The following PPP6R2 variants were observed in gnomAD, a reference collection of about 807,000 sequenced individuals.
PPP6R2 encodes the protein protein phosphatase 6 regulatory subunit 2.
PPP6R2 carries 62 observed loss-of-function variants against 100.2 expected under a neutral mutation model. That is an observed-to-expected ratio of 0.62 (90% CI 0.50 to 0.76). The LOEUF (loss-of-function observed/expected upper bound fraction) is 0.76, where lower values mean the gene tolerates loss of function less well. Ranked by LOEUF, PPP6R2 falls within the 30% of genes least tolerant of loss-of-function variation. The pLI, the probability that PPP6R2 is intolerant of heterozygous loss-of-function variation, is 0.00. For synonymous variants in PPP6R2, 525 were observed against 514.7 expected (o/e 1.02, Z -0.27); for missense variants, 1,142 against 1,276.3 (o/e 0.89, Z 1.60).
At chr22:50,393,212 C>T (rs1303232471) in intron 2 of PPP6R2, among the ~76,000 whole-genome samples, 2 of 152,070 alleles carry the variant, frequency 1.3e-5, no homozygotes, top group Non-Finnish European at 2.9e-5. Context: ...AGACCTAGTG[C>T]CCAGTTGGTG....
chr22:50,371,477 C>T (rs898012779), intron 1 of PPP6R2, among the ~76,000 whole-genome samples: 1 of 151,292 alleles, frequency 6.6e-6, no homozygotes, highest in African/African-American at 2.4e-5. Context: ...CCCTGGGCAG[C>T]ATAGTGAGAC....
intron 1 of PPP6R2, among the ~76,000 whole-genome samples, chr22:50,370,477 T>A (rs141515200): frequency 6.6e-6 from 1 of 150,664 alleles, no homozygotes; most frequent in Non-Finnish European, 1.5e-5. Context: ...TTAGTAGAGA[T>A]GGGGTTTCAC....
At chr22:50,349,323 C>T (rs2044465482) in intron 1 of PPP6R2, among the ~76,000 whole-genome samples, 1 of 141,212 alleles carries the variant, frequency 7.1e-6, no homozygotes, top group South Asian at 2.2e-4. Context: ...GTGATCACTC[C>T]ATTGCACTCC....
At chr22:50,437,767 C>T (rs745751182) in intron 16 of PPP6R2, 76 bp from the exon 17 acceptor site, 102 of 1,502,478 alleles carry the variant, frequency 6.8e-5, no homozygotes, top group South Asian at 2.9e-4. Flanking sequence ...CGATGAGCAC[C>T]GGGGGAGGAG....
At chr22:50,364,328 G>T (rs1022177410) in intron 1 of PPP6R2, among the ~76,000 whole-genome samples, 1 of 152,100 alleles carries the variant, frequency 6.6e-6, no homozygotes, top group Non-Finnish European at 1.5e-5. Flanking sequence ...CCATTTTTAG[G>T]TATATAAGTC....
intron 2 of PPP6R2, among the ~76,000 whole-genome samples, chr22:50,376,892 T>TG (rs2051705765): frequency 6.6e-6 from 1 of 151,908 alleles, no homozygotes; most frequent in Non-Finnish European, 1.5e-5. Context: ...CCGGGCGCGG[T>TG]GGCAGGCGCC....
chr22:50,338,314 G>GGTGTGTAGTGTGTGGTGT (rs373588400), upstream of PPP6R2, among the ~76,000 whole-genome samples: 55 of 130,298 alleles, frequency 4.2e-4, no homozygotes, highest in African/African-American at 1.7e-3. Context: ...GTGTGTGTGT[G>GGTGTGTAGTGTGTGGTGT]GTGTGTGGTG....
chr22:50,332,198 G>A, the PPP6R2 span, among the ~76,000 whole-genome samples: 1 of 151,656 alleles, frequency 6.6e-6, no homozygotes, highest in Non-Finnish European at 1.5e-5. Flanking sequence ...AAGGTCCTAA[G>A]TCAAATAATA....
At chr22:50,382,394 C>G (rs962329457) in intron 2 of PPP6R2, among the ~76,000 whole-genome samples, 1 of 151,546 alleles carries the variant, frequency 6.6e-6, no homozygotes, top group Non-Finnish European at 1.5e-5. Flanking sequence ...GTCAGGAGTT[C>G]GAGACCAGCC....
In PPP6R2 at chr22:50,423,558, A is replaced by C. The variant is rs754054138; in HGVS notation, c.1069A>C (p.Asn357His). Residue 357 changes from asparagine (N) to histidine (H), a missense_variant, in exon 10 of 24, where the codon AAC becomes CAC. Physicochemically the swap from Asn to His is moderately conservative, Grantham distance 68 (BLOSUM62 1). This residue lies in a region of PPP6R2 where 592 missense variants were observed against 758.9 expected (regional missense o/e 0.78). Transcript: ENST00000612753. This position sits in a 1 kb window ranked among gnomAD's most constrained non-coding sequence, Gnocchi z 4.8. ...CCTCATGGCAGCACTGCTGCACACA[A>C]ACACACCCAGCATCAACCAGGAGCT... is the stretch of plus-strand genomic sequence containing the variant. ...ARLMAALLHT[N>H]TPSINQELCR... The C allele has an allele frequency of 6.2e-7, 1 of 1,614,148 alleles. No homozygotes were observed. The highest frequency in any genetic ancestry group is 1.1e-5 in the South Asian group (1 of 91,088).
Position 50,438,271 on chromosome 22 carries a change from G to A in PPP6R2, c.1937G>A (p.Cys646Tyr). The A allele has an allele frequency of 1.9e-6, 3 of 1,613,562 alleles. No individual in the cohort carries two copies. Among genetic ancestry groups the A allele is most frequent in the Non-Finnish European group, 1.7e-6 (2 of 1,179,848 alleles). Residue 646 changes from cysteine to tyrosine, a missense_variant, in exon 18 of 24, where the codon TGT becomes TAT. Cys to Tyr is a radical substitution (Grantham distance 194, BLOSUM62 -2). This residue lies in a region of PPP6R2 where 550 missense variants were observed against 517.4 expected (regional missense o/e 1.06). Coordinates refer to ENST00000612753, the MANE Select transcript of PPP6R2 (RefSeq NM_001242898.2). ...ATCTGGGAGGACAGTGACACTCGCT[G>A]TGCTGCCCGGGTGATGGCCAGACCC... ...EDIWEDSDTRCAARVMARPRF... is the reference protein window; with the variant it reads ...EDIWEDSDTRYAARVMARPRF...
chr22:50,373,856 C>T (rs968970356), intron 2 of PPP6R2, among the ~76,000 whole-genome samples: 3 of 152,232 alleles, frequency 2.0e-5, no homozygotes, highest in Admixed American at 2.0e-4. Context: ...GCGTCAGCCT[C>T]CCGAATAGCT....
At chr22:50,358,812 ACT>A (rs1490782426) in intron 1 of PPP6R2, among the ~76,000 whole-genome samples, 1 of 150,838 alleles carries the variant, frequency 6.6e-6, no homozygotes, top group Non-Finnish European at 1.5e-5. Context: ...TGTTGAAAGG[ACT>A]CTCTTCTCCA....
At chr22:50,442,933 G>A (rs2066035849) in intron 22 of PPP6R2, among the ~76,000 whole-genome samples, 1 of 151,670 alleles carries the variant, frequency 6.6e-6, no homozygotes, top group African/African-American at 2.4e-5. Flanking sequence ...GGGAGGCCGA[G>A]GTGGGTGGAT....
chr22:50,415,135 A>T (rs1353394531), intron 5 of PPP6R2, among the ~76,000 whole-genome samples: 1 of 152,156 alleles, frequency 6.6e-6, no homozygotes, highest in Non-Finnish European at 1.5e-5. Flanking sequence ...GTCTGTTCTG[A>T]TGGTGTTTAG....
upstream of PPP6R2, among the ~76,000 whole-genome samples, chr22:50,339,345 AGTGTGTG>A (rs2042342366): frequency 1.9e-5 from 1 of 51,618 alleles, no homozygotes; most frequent in African/African-American, 8.4e-5. Context: ...TGTGGTATGT[AGTGTGTG>A]GTATGTGGTG....
At chr22:50,381,321 AT>A (rs1253724406) in intron 2 of PPP6R2, among the ~76,000 whole-genome samples, 24 of 90,446 alleles carry the variant, frequency 2.7e-4, no homozygotes, top group South Asian at 5.2e-4. Context: ...CCACCTCAGC[AT>A]CACACGGGCC....
intron 1 of PPP6R2, among the ~76,000 whole-genome samples, chr22:50,369,969 A>G (rs190622297): frequency 3.2e-3 from 472 of 145,816 alleles, no homozygotes; most frequent in Non-Finnish European, 4.9e-3. Context: ...GGCTGGTCTT[A>G]AACTCCAGCA....
intron 2 of PPP6R2, among the ~76,000 whole-genome samples, chr22:50,386,045 G>A (rs1429523935): frequency 1.3e-5 from 2 of 150,368 alleles, no homozygotes; most frequent in African/African-American, 4.9e-5. Context: ...GGATGGTCTC[G>A]ATCTCCTGAC....
Sources: gnomAD v4.1 joint callset for allele counts (sites outside exome capture counted in the v4.1 genomes callset) on GRCh38, gnomAD v4.1.1 for gene constraint, gnomAD v4.1.1 regional missense constraint, Gnocchi (gnomAD v3.1) non-coding constraint, MANE v1.5 for transcripts, NCBI Gene and HGNC (gene_info 2026-07-23, HGNC 2026-07-21) for gene names.